Variants in TMEM178B observed in about 807,000 individuals in gnomAD.
The protein encoded by TMEM178B is transmembrane protein 178B.
TMEM178B carries 5 observed loss-of-function variants against 31.0 expected under a neutral mutation model. That is an observed-to-expected ratio of 0.16 (90% CI 0.08 to 0.34). The LOEUF (loss-of-function observed/expected upper bound fraction) is 0.34. TMEM178B is among the 10% of genes least tolerant of loss of function. The pLI is 1.00. For missense variants in TMEM178B, 275 were observed against 400.3 expected (o/e 0.69, Z 2.67); for synonymous variants, 164 against 164.0 (o/e 1.00, Z 0.00).
intron 2 of TMEM178B, among the ~76,000 whole-genome samples, chr7:141,269,096 CTTT>C (rs34014878): frequency 7.1e-6 from 1 of 140,358 alleles, no homozygotes; most frequent in Non-Finnish European, 1.5e-5. Context: ...AATTTTTTTT[CTTT>C]TTTTTTTTTT....
chr7:141,291,312 A>C (rs1380291858), intron 2 of TMEM178B, among the ~76,000 whole-genome samples: 1 of 152,068 alleles, frequency 6.6e-6, no homozygotes, highest in Non-Finnish European at 1.5e-5. Flanking sequence ...GCCTGACATC[A>C]CCGTGTATCA....
At chr7:141,495,857 A>G in the TMEM178B span, among the ~76,000 whole-genome samples, 1 of 152,206 alleles carries the variant, frequency 6.6e-6, no homozygotes, top group Non-Finnish European at 1.5e-5. Context: ...TCCAGAAGGT[A>G]TGTGAGTTTG....
chr7:141,345,741 A>G (rs1032784936), intron 2 of TMEM178B, among the ~76,000 whole-genome samples: 1 of 152,222 alleles, frequency 6.6e-6, no homozygotes, highest in African/African-American at 2.4e-5. Context: ...TCAAATTATA[A>G]GTATTTACTA....
chr7:141,438,146 T>C lies in TMEM178B; in HGVS notation c.634+401T>C, dbSNP rs114702604. Among the ~76,000 whole-genome samples the C allele has an allele frequency of 8.0e-3, 1,223 of 152,270 alleles. 19 individuals are homozygous for C. The highest frequency in any genetic ancestry group is 0.028 in the African/African-American group (1,153 of 41,556). ...TGGGAAGCTGGAAGCAGGTGCTATC[T>C]GGGCACTTTCCGTCCAAAAGTCTAT... On this transcript the variant is annotated intron_variant, in intron 3 of 3. Coordinates refer to ENST00000565468, the MANE Select transcript of TMEM178B (RefSeq NM_001195278.2).
chr7:141,222,725 G>T (rs1337616475), intron 2 of TMEM178B, among the ~76,000 whole-genome samples: 1 of 152,182 alleles, frequency 6.6e-6, no homozygotes, highest in Non-Finnish European at 1.5e-5. Flanking sequence ...TGTTTGTCTT[G>T]GTGAGTGTTG....
chr7:141,467,517 C>T (rs1802166048), intron 3 of TMEM178B, among the ~76,000 whole-genome samples: 2 of 152,160 alleles, frequency 1.3e-5, no homozygotes, highest in Non-Finnish European at 2.9e-5. Context: ...CAGCTCTGCT[C>T]CCACCTTGCC....
chr7:141,399,682 T>C (rs901020992), intron 2 of TMEM178B, among the ~76,000 whole-genome samples: 2 of 152,218 alleles, frequency 1.3e-5, no homozygotes, highest in Admixed American at 6.5e-5. Context: ...AGATGGTTTA[T>C]GGGCATCATT....
Position 141,171,073 on chromosome 7 carries a change from A to T in TMEM178B, c.383-41518A>T, listed in dbSNP as rs1460877350. 6.6e-6 allele frequency among the ~76,000 whole-genome samples: 1 copy of T among 151,746 alleles called. No homozygotes were observed. The highest frequency in any genetic ancestry group is 1.5e-5 in the Non-Finnish European group (1 of 67,946). On this transcript the variant is annotated intron_variant, in intron 1 of 3. Transcript: ENST00000565468. This position sits in a 1 kb window ranked among gnomAD's most constrained non-coding sequence, Gnocchi z 4.3. ...ACACACACACACACACACCCTAAAT[A>T]TAAATTAAAATAAATACTTGAAGTG...
chr7:141,155,283 C>T (rs1275142547), intron 1 of TMEM178B, among the ~76,000 whole-genome samples: 1 of 152,196 alleles, frequency 6.6e-6, no homozygotes, highest in Non-Finnish European at 1.5e-5. Context: ...TACAGGGATG[C>T]AGCCCATGGG....
At chr7:141,095,177 C>G (rs1180792160) in intron 1 of TMEM178B, among the ~76,000 whole-genome samples, 1 of 152,114 alleles carries the variant, frequency 6.6e-6, no homozygotes, top group Non-Finnish European at 1.5e-5. Flanking sequence ...ACTCAAAATT[C>G]TAAGAAAAGC....
intron 2 of TMEM178B, among the ~76,000 whole-genome samples, chr7:141,233,676 TGAGCAC>T (rs1797482621): frequency 6.6e-6 from 1 of 152,184 alleles, no homozygotes; most frequent in Non-Finnish European, 1.5e-5. Flanking sequence ...TATAGAGCCC[TGAGCAC>T]TTTGACATGG....
At chr7:141,288,046 C>G (rs1044522189) in intron 2 of TMEM178B, among the ~76,000 whole-genome samples, 1 of 152,150 alleles carries the variant, frequency 6.6e-6, no homozygotes, top group Non-Finnish European at 1.5e-5. Context: ...GAGCCTGCAG[C>G]CCTGCTGACA....
chr7:141,283,198 G>C (rs1359622318), intron 2 of TMEM178B, among the ~76,000 whole-genome samples: 1 of 152,184 alleles, frequency 6.6e-6, no homozygotes, highest in Non-Finnish European at 1.5e-5. Flanking sequence ...CAGCTTATTT[G>C]TCAGCAAAGG....
At chr7:141,224,541 C>T (rs1797309825) in intron 2 of TMEM178B, among the ~76,000 whole-genome samples, 1 of 152,208 alleles carries the variant, frequency 6.6e-6, no homozygotes, top group African/African-American at 2.4e-5. Flanking sequence ...CTCAGCAGCC[C>T]CAATCCCAGA....
At chr7:141,419,252 AAAAG>A (rs1349628784) in intron 2 of TMEM178B, among the ~76,000 whole-genome samples, 2 of 152,174 alleles carry the variant, frequency 1.3e-5, no homozygotes, top group Admixed American at 1.3e-4. Context: ...AAAAGAAAGA[AAAAG>A]AAACCCCAAA....
At chr7:141,480,886 C>G (rs886194602), downstream of TMEM178B, among the ~76,000 whole-genome samples, 3 of 152,160 alleles carry the variant, frequency 2.0e-5, no homozygotes, top group African/African-American at 7.2e-5. Flanking sequence ...GGGAAGTGGA[C>G]TGGAGAAGCA....
intron 2 of TMEM178B, among the ~76,000 whole-genome samples, chr7:141,255,648 G>GTT (rs5887995): frequency 1.9e-4 from 29 of 150,960 alleles, no homozygotes; most frequent in Non-Finnish European, 2.8e-4. Flanking sequence ...TATTTTTCTA[G>GTT]TTTTTTTTTT....
At chr7:141,203,694 C>A (rs1796915988) in intron 1 of TMEM178B, among the ~76,000 whole-genome samples, 1 of 152,212 alleles carries the variant, frequency 6.6e-6, no homozygotes, top group Non-Finnish European at 1.5e-5. Context: ...CAGCTTTTCC[C>A]CTGGCTGGCA....
chr7:141,291,926 ATTT>A (rs11306682), intron 2 of TMEM178B, among the ~76,000 whole-genome samples: 5,062 of 138,142 alleles, frequency 0.037, 106 homozygotes, highest in Admixed American at 0.081. Context: ...CATAGAGATC[ATTT>A]TTTTTTTTTT....
Sources: gnomAD v4.1 joint callset for allele counts (sites outside exome capture counted in the v4.1 genomes callset) on GRCh38, gnomAD v4.1.1 for gene constraint, Gnocchi (gnomAD v3.1) non-coding constraint, MANE v1.5 for transcripts, NCBI Gene and HGNC (gene_info 2026-07-23, HGNC 2026-07-21) for gene names.